SH3RF3: variants seen among roughly 807,000 people sequenced by gnomAD.
SH3RF3 encodes SH3 domain containing ring finger 3.
A neutral mutation model predicts 66.3 loss-of-function variants in SH3RF3; 29 were observed. The ratio of observed to expected loss-of-function variants is 0.44; its 90% CI spans 0.33 to 0.60. The LOEUF (loss-of-function observed/expected upper bound fraction) is 0.60. Ranked by LOEUF, SH3RF3 falls within the 20% of genes least tolerant of loss-of-function variation. The probability of loss-of-function intolerance (pLI) is 0.04; values close to 1 mark genes in which losing one functional copy is unlikely to be tolerated. For synonymous variants in SH3RF3, 583 were observed against 532.0 expected, an observed-to-expected ratio of 1.10 and a Z score of -1.32; for missense variants, 1,194 against 1,190.9, an observed-to-expected ratio of 1.00 and a Z score of -0.04.
chr2:109,371,416 G>A (rs1489440466), intron 2 of SH3RF3, among the ~76,000 whole-genome samples, 170 bp from the exon 3 acceptor site: 1 of 152,226 alleles, frequency 6.6e-6, no homozygotes, highest in African/African-American at 2.4e-5. Context: ...GAAAGAAAGA[G>A]AGGGTGCTCC....
At chr2:109,249,979 C>T (rs76172779) in intron 1 of SH3RF3, among the ~76,000 whole-genome samples, 36,873 of 151,672 alleles carry the variant, frequency 0.24, 4,904 homozygotes, top group East Asian at 0.46. Flanking sequence ...CCACCGCGCC[C>T]GGCCTGCACC....
At chr2:109,301,909 G>C (rs540760344) in intron 1 of SH3RF3, among the ~76,000 whole-genome samples, 2 of 152,152 alleles carry the variant, frequency 1.3e-5, no homozygotes, top group Non-Finnish European at 2.9e-5. Flanking sequence ...TAGCTTCCCC[G>C]GTGCGGGACC....
intron 1 of SH3RF3, among the ~76,000 whole-genome samples, chr2:109,301,158 C>T (rs1412003478): frequency 1.3e-5 from 2 of 152,170 alleles, no homozygotes; most frequent in Non-Finnish European, 2.9e-5. Context: ...TTAGATTAGT[C>T]CAAAGACAGC....
At chr2:109,283,949 G>A (rs73955506) in intron 1 of SH3RF3, among the ~76,000 whole-genome samples, 1,628 of 152,250 alleles carry the variant, frequency 0.011, 28 homozygotes, top group African/African-American at 0.036. Context: ...CCGTGTTTCC[G>A]CCTCCCTCCT....
At chr2:109,312,943 CTA>C (rs1681766429) in intron 1 of SH3RF3, among the ~76,000 whole-genome samples, 1 of 152,160 alleles carries the variant, frequency 6.6e-6, no homozygotes, top group African/African-American at 2.4e-5. Flanking sequence ...AAGAGCCGCC[CTA>C]TGTTTTCCAC....
intron 8 of SH3RF3, among the ~76,000 whole-genome samples, chr2:109,469,817 C>T (rs1354187620): frequency 4.6e-5 from 7 of 152,170 alleles, no homozygotes; most frequent in African/African-American, 1.4e-4. Context: ...AAGGTAGATC[C>T]GAATTTTTCC....
chr2:109,249,532 TTTCCTTCC>T lies in SH3RF3; in HGVS notation c.574-98095_574-98088del, dbSNP rs34592741. Among the ~76,000 whole-genome samples, 407 of 96,406 alleles carry T rather than the reference TTTCCTTCC, an allele frequency of 4.2e-3. 5 individuals are homozygous for T. The highest frequency in any genetic ancestry group is 0.012 in the East Asian group (33 of 2,668). The allele number at this position is 96,406 out of a possible 152,430, so 63.2% of individuals were successfully genotyped here. On this transcript the variant is annotated intron_variant, in intron 1 of 9. Coordinates refer to ENST00000309415, the MANE Select transcript of SH3RF3 (RefSeq NM_001099289.3). Reference sequence around the variant, plus strand: ...TTCATTCTTTCTTTTTCTTTCTTTCTTTCCTTCCTTCCTTCCTTCCTTCCTTCCTTCCT... The same window carrying T: ...TTCATTCTTTCTTTTTCTTTCTTTCTTTCCTTCCTTCCTTCCTTCCTTCCT...
At chr2:109,468,085 G>A (rs962714038) in intron 8 of SH3RF3, among the ~76,000 whole-genome samples, 8 of 152,202 alleles carry the variant, frequency 5.3e-5, no homozygotes, top group Admixed American at 2.6e-4. Flanking sequence ...AGCTAGATAC[G>A]GTCATGTGTC....
At chr2:109,430,589 C>T (rs1677179024) in intron 5 of SH3RF3, among the ~76,000 whole-genome samples, 1 of 152,176 alleles carries the variant, frequency 6.6e-6, no homozygotes, top group Non-Finnish European at 1.5e-5. Flanking sequence ...CTCTCCTCCC[C>T]TCCAGCTTCC....
At chr2:109,132,996 A>G (rs1187240797) in intron 1 of SH3RF3, among the ~76,000 whole-genome samples, 1 of 152,258 alleles carries the variant, frequency 6.6e-6, no homozygotes, top group South Asian at 2.1e-4. Flanking sequence ...TTGAGCCTAT[A>G]CAGAACATCT....
intron 1 of SH3RF3, among the ~76,000 whole-genome samples, chr2:109,160,251 C>A (rs1424880897): frequency 6.6e-6 from 1 of 152,142 alleles, no homozygotes; most frequent in Non-Finnish European, 1.5e-5. Context: ...AGCAGGGTGA[C>A]CCATGGAGTG....
chr2:109,266,932 G>A (rs1240682473), intron 1 of SH3RF3, among the ~76,000 whole-genome samples: 1 of 152,224 alleles, frequency 6.6e-6, no homozygotes, highest in Non-Finnish European at 1.5e-5. Flanking sequence ...GGATGTCTGT[G>A]AGCTGGCTTA....
intron 4 of SH3RF3, among the ~76,000 whole-genome samples, chr2:109,418,882 C>T (rs957579973): frequency 1.3e-5 from 2 of 152,154 alleles, no homozygotes; most frequent in South Asian, 4.1e-4. Flanking sequence ...TAAGGATTCT[C>T]TATGTAGGAA....
At chr2:109,322,908 A>T (rs955229191) in intron 1 of SH3RF3, among the ~76,000 whole-genome samples, 2 of 152,204 alleles carry the variant, frequency 1.3e-5, no homozygotes, top group African/African-American at 4.8e-5. Flanking sequence ...TGAGGCCAAG[A>T]GGTGGCTTTT....
chr2:109,156,096 C>T (rs893372201), intron 1 of SH3RF3, among the ~76,000 whole-genome samples: 11 of 152,238 alleles, frequency 7.2e-5, no homozygotes, highest in Non-Finnish European at 4.4e-5. Context: ...TGCCACTTTG[C>T]AGGATGCTGC....
intron 1 of SH3RF3, among the ~76,000 whole-genome samples, chr2:109,311,490 C>T (rs2105427802): frequency 1.3e-5 from 2 of 149,422 alleles, no homozygotes; most frequent in Admixed American, 6.7e-5. Context: ...AAGTTCTGGC[C>T]AGGGCAATTA....
chr2:109,162,377 A>G (rs1234221613), intron 1 of SH3RF3, among the ~76,000 whole-genome samples: 1 of 152,054 alleles, frequency 6.6e-6, no homozygotes, highest in African/African-American at 2.4e-5. Flanking sequence ...TTCCCCTCTT[A>G]GGGCTCCTCA....
intron 3 of SH3RF3, among the ~76,000 whole-genome samples, chr2:109,393,793 A>C (rs551882161): frequency 6.6e-6 from 1 of 152,014 alleles, no homozygotes; most frequent in East Asian, 1.9e-4. Flanking sequence ...TTTCTTTTGA[A>C]GCTGGGCACC....
intron 1 of SH3RF3, among the ~76,000 whole-genome samples, chr2:109,268,094 G>A (rs976926752): frequency 3.3e-5 from 5 of 151,918 alleles, no homozygotes; most frequent in African/African-American, 9.7e-5. Flanking sequence ...CAGAGAAGGG[G>A]CCGATGGGGA....
Sources: allele counts gnomAD v4.1 joint callset (sites outside exome capture counted in the v4.1 genomes callset), GRCh38; gene constraint gnomAD v4.1.1; transcripts MANE v1.5; gene names NCBI Gene and HGNC (gene_info 2026-07-23, HGNC 2026-07-21).